CNTN5: variants seen among roughly 807,000 people sequenced by gnomAD.
CNTN5 encodes contactin 5.
A neutral mutation model predicts 129.1 loss-of-function variants in CNTN5; 77 were observed. The observed-to-expected ratio is 0.60, with a 90% CI of 0.50 to 0.72. The LOEUF (loss-of-function observed/expected upper bound fraction) is 0.72. CNTN5 is among the 30% of genes least tolerant of loss of function. The probability of loss-of-function intolerance (pLI) is 0.00; values close to 1 mark genes in which losing one functional copy is unlikely to be tolerated. For synonymous variants in CNTN5, 509 were observed against 465.6 expected (o/e 1.09, Z -1.20); for missense variants, 1,478 against 1,328.8 (o/e 1.11, Z -1.75).
intron 2 of CNTN5, among the ~76,000 whole-genome samples, chr11:99,329,493 G>A (rs1378329000): frequency 6.6e-6 from 1 of 152,112 alleles, no homozygotes; most frequent in Non-Finnish European, 1.5e-5. Flanking sequence ...GGAACTCTTA[G>A]TCTGAAGGCT....
chr11:99,646,714 C>G (rs1035809923), intron 3 of CNTN5, among the ~76,000 whole-genome samples: 5 of 150,606 alleles, frequency 3.3e-5, no homozygotes, highest in African/African-American at 1.2e-4. Context: ...TAGTATATCT[C>G]ACTGAAATTG....
intron 2 of CNTN5, among the ~76,000 whole-genome samples, chr11:99,474,203 A>G (rs1945282788): frequency 6.9e-6 from 1 of 144,132 alleles, no homozygotes; most frequent in African/African-American, 2.5e-5. Flanking sequence ...AAGAAGTTCT[A>G]GGGATTTTTT....
intron 1 of CNTN5, among the ~76,000 whole-genome samples, chr11:99,325,109 ATTATG>A (rs1865728564): frequency 6.6e-6 from 1 of 152,058 alleles, no homozygotes; most frequent in African/African-American, 2.4e-5. Context: ...TTAGAGTGAC[ATTATG>A]TTATATTATT....
chr11:100,265,922 T>C (rs896056503), intron 17 of CNTN5, among the ~76,000 whole-genome samples: 1 of 152,198 alleles, frequency 6.6e-6, no homozygotes, highest in Non-Finnish European at 1.5e-5. Context: ...TTTTTGATTA[T>C]GTCTACTTAG....
At chr11:99,272,915 C>T (rs1863242453) in intron 1 of CNTN5, among the ~76,000 whole-genome samples, 1 of 151,750 alleles carries the variant, frequency 6.6e-6, no homozygotes, top group Non-Finnish European at 1.5e-5. Flanking sequence ...AGAAAATACT[C>T]CTTATAAAAT....
At chr11:100,074,694 T>C (rs1944057135) in intron 13 of CNTN5, among the ~76,000 whole-genome samples, 1 of 152,232 alleles carries the variant, frequency 6.6e-6, no homozygotes, top group East Asian at 1.9e-4. Flanking sequence ...TGGATAATCA[T>C]GACAGAATAC....
chr11:99,073,374 GT>G (rs750531770), intron 1 of CNTN5, among the ~76,000 whole-genome samples: 1,341 of 61,226 alleles, frequency 0.022, 13 homozygotes, highest in African/African-American at 0.083. Context: ...TTATGGTTTG[GT>G]TTTTTTTTTT....
At chr11:99,459,485 C>A (rs1241015029) in intron 2 of CNTN5, among the ~76,000 whole-genome samples, 1 of 151,814 alleles carries the variant, frequency 6.6e-6, no homozygotes, top group Non-Finnish European at 1.5e-5. Flanking sequence ...TATGCCATTA[C>A]AATGGAAGAG....
chr11:99,734,556 C>G (rs1409973048), intron 3 of CNTN5, among the ~76,000 whole-genome samples: 1 of 152,122 alleles, frequency 6.6e-6, no homozygotes, highest in Non-Finnish European at 1.5e-5. Flanking sequence ...ATATATCATA[C>G]TGATTTTACA....
intron 3 of CNTN5, among the ~76,000 whole-genome samples, chr11:99,639,300 C>T (rs534792260): frequency 3.3e-5 from 5 of 152,286 alleles, no homozygotes; most frequent in African/African-American, 1.2e-4. Flanking sequence ...ACCACTTTTT[C>T]CTCCTGGGCC....
chr11:99,383,602 T>G (rs1021908208), intron 2 of CNTN5, among the ~76,000 whole-genome samples: 1 of 152,196 alleles, frequency 6.6e-6, no homozygotes, highest in Non-Finnish European at 1.5e-5. Context: ...GCTGCTTTTT[T>G]TTTTTTCTTT....
At chr11:99,756,087 AG>A (rs143989575) in intron 3 of CNTN5, among the ~76,000 whole-genome samples, 5,288 of 152,236 alleles carry the variant, frequency 0.035, 132 homozygotes, top group South Asian at 0.098. Flanking sequence ...ATGATTTGAC[AG>A]ATCATTATTT....
intron 2 of CNTN5, among the ~76,000 whole-genome samples, chr11:99,439,707 C>CAA (rs376871051): frequency 0.53 from 50,489 of 94,956 alleles, 13,079 homozygotes; most frequent in South Asian, 0.58. Flanking sequence ...GACTCTGTCT[C>CAA]AAAAAAAAAA....
intron 13 of CNTN5, among the ~76,000 whole-genome samples, chr11:100,179,086 C>T (rs1387793980): frequency 6.6e-6 from 1 of 152,116 alleles, no homozygotes; most frequent in Non-Finnish European, 1.5e-5. Context: ...CAATTGTACT[C>T]CCTCAGTTAT....
At chr11:99,910,849 C>A (rs1463592918) in intron 6 of CNTN5, among the ~76,000 whole-genome samples, 1 of 151,940 alleles carries the variant, frequency 6.6e-6, no homozygotes, top group African/African-American at 2.4e-5. Context: ...AGGGTATTTG[C>A]ATGGAATGCA....
chr11:99,466,938 A>G (rs1565206653), intron 2 of CNTN5, among the ~76,000 whole-genome samples: 3 of 152,152 alleles, frequency 2.0e-5, no homozygotes, highest in African/African-American at 7.2e-5. Flanking sequence ...AACTGCAAGG[A>G]GAAATGGGAG....
At chr11:99,148,035 T>A (rs1859870237) in intron 1 of CNTN5, among the ~76,000 whole-genome samples, 1 of 152,242 alleles carries the variant, frequency 6.6e-6, no homozygotes, top group Non-Finnish European at 1.5e-5. Flanking sequence ...TTAATAGTAT[T>A]AAACATCATG....
intron 2 of CNTN5, among the ~76,000 whole-genome samples, chr11:99,391,432 C>T (rs1941253466): frequency 6.6e-6 from 1 of 152,098 alleles, no homozygotes; most frequent in Non-Finnish European, 1.5e-5. Context: ...AATAGATGGG[C>T]ATGAAAAGCA....
chr11:99,810,914 G>T (rs1183994564), intron 3 of CNTN5, among the ~76,000 whole-genome samples: 1 of 152,026 alleles, frequency 6.6e-6, no homozygotes, highest in Non-Finnish European at 1.5e-5. Flanking sequence ...AATACATAGT[G>T]CCACTCTTTG....
Sources: gnomAD v4.1 joint callset for allele counts (sites outside exome capture counted in the v4.1 genomes callset) on GRCh38, gnomAD v4.1.1 for gene constraint, MANE v1.5 for transcripts, NCBI Gene and HGNC (gene_info 2026-07-23, HGNC 2026-07-21) for gene names.